Variants in DHX40 observed in about 807,000 individuals in gnomAD.
DHX40 encodes the protein DEAH-box helicase 40.
DHX40 carries 28 observed loss-of-function variants against 89.6 expected under a neutral mutation model. That is an observed-to-expected ratio of 0.31 (90% CI 0.23 to 0.43). The LOEUF is 0.43. Among genes scored for constraint, DHX40 ranks in the 20% least tolerant of loss-of-function variants. The pLI, the probability that DHX40 is intolerant of heterozygous loss-of-function variation, is 1.00. For missense variants in DHX40, 457 were observed against 844.0 expected (o/e 0.54, Z 5.68); for synonymous variants, 226 against 283.6 (o/e 0.80, Z 2.04).
intron 10 of DHX40, among the ~76,000 whole-genome samples, chr17:59,585,385 G>T (rs2048978773): frequency 7.0e-6 from 1 of 143,392 alleles, no homozygotes; most frequent in African/African-American, 2.7e-5. Context: ...GGGCAGCAGA[G>T]TGAGACTCCG....
intron 13 of DHX40, 149 bp downstream of exon 13, chr17:59,599,000 A>G: frequency 5.0e-6 from 3 of 596,752 alleles, no homozygotes; most frequent in Non-Finnish European, 9.2e-6. Context: ...TCTATGTCAG[A>G]TGACTATTGC....
chr17:59,597,601 C>T (rs1468651090), intron 12 of DHX40, among the ~76,000 whole-genome samples: 1 of 151,976 alleles, frequency 6.6e-6, no homozygotes, highest in Admixed American at 6.5e-5. Flanking sequence ...GTTGCCCAGG[C>T]CAAAGTGCAG....
At chr17:59,577,228 T>C in intron 7 of DHX40, 38 bp from the exon 8 acceptor site, 1 of 1,516,756 alleles carries the variant, frequency 6.6e-7, no homozygotes, top group Non-Finnish European at 9.1e-7. Flanking sequence ...GACACATGCA[T>C]GTTGTAAATT....
At chr17:59,604,307 C>T (rs1484918660) in intron 15 of DHX40, 1 of 152,138 alleles carries the variant, frequency 6.6e-6, no homozygotes, top group Non-Finnish European at 1.5e-5. Context: ...CTCAACTTTT[C>T]TGTAAATTTA....
chr17:59,597,372 AC>A (rs1308888843), intron 12 of DHX40, among the ~76,000 whole-genome samples: 164 of 84,034 alleles, frequency 2.0e-3, no homozygotes, highest in African/African-American at 9.9e-3. Flanking sequence ...TGAGCTACAC[AC>A]TTACGTCCTG....
rs2030971622 is a variant in DHX40 at position 59,608,258 on chromosome 17, A to T, written c.*1086A>T. On this transcript the variant is annotated 3_prime_UTR_variant, in exon 18 of 18. Coordinates refer to ENST00000251241, the MANE Select transcript of DHX40 (RefSeq NM_024612.5). Reference sequence around the variant, plus strand: ...GGACTGTGTCTTTTTTCATCTTTGTATCTTTCATGCACCTAGCATAGTGCT... The same window carrying T: ...GGACTGTGTCTTTTTTCATCTTTGTTTCTTTCATGCACCTAGCATAGTGCT... 6.6e-6 allele frequency: 1 copy of T among 152,642 alleles called. No individual in the cohort carries two copies. Among genetic ancestry groups the T allele is most frequent in the Admixed American group, 6.5e-5 (1 of 15,272 alleles). 9.5% of individuals were successfully genotyped at this position (152,642 alleles called of 1,614,324 possible).
chr17:59,595,088 G>GTTTT (rs112106114), intron 12 of DHX40, among the ~76,000 whole-genome samples: 1 of 145,592 alleles, frequency 6.9e-6, no homozygotes, highest in African/African-American at 2.5e-5. Context: ...TTTGTTTTTT[G>GTTTT]TTTTTTTTTT....
At position 59,607,163 on chromosome 17, in the gene DHX40, A is replaced by G; in HGVS notation, c.2331A>G (p.Glu777=). ...AGGACCACAGTGACACACGAAAGGA[A>G]ACAGGCTAAGGTGGTGAACCCTCCA... The part of the protein sequence containing the change: ...RTQDHSDTRK[E]TG Residue 777 remains glutamate, a synonymous_variant, in exon 18 of 18, where the codon GAA becomes GAG. Coordinates refer to ENST00000251241, the MANE Select transcript of DHX40 (RefSeq NM_024612.5). The G allele has an allele frequency of 6.2e-7, 1 of 1,614,230 alleles. No homozygotes were observed. Among genetic ancestry groups the G allele is most frequent in the Non-Finnish European group, 8.5e-7 (1 of 1,180,044 alleles).
intron 10 of DHX40, among the ~76,000 whole-genome samples, chr17:59,583,331 A>T (rs1159975580): frequency 3.0e-5 from 1 of 33,020 alleles, no homozygotes; most frequent in African/African-American, 5.6e-5. Flanking sequence ...ATTTTTAATG[A>T]TACTGAATAA....
At position 59,575,454 on chromosome 17, in the gene DHX40, A is replaced by G. The variant is rs761789387; in HGVS notation, c.956A>G (p.Tyr319Cys). The change falls in exon 7 of 18, where the codon TAT becomes TGT. Residue 319 changes from tyrosine to cysteine, a missense_variant. Tyr to Cys is a radical substitution (Grantham distance 194, BLOSUM62 -2). This residue lies in a region of DHX40 where 116 missense variants were observed against 188.9 expected (regional missense o/e 0.61). Transcript: ENST00000251241. ...TLDGLLILPC[Y>C]GSMTTDQQRR... ...GATGGCTTGTTAATATTGCCGTGTT[A>G]TGGATCAATGACAACAGGTAATTTC... 5 of 1,612,496 alleles carry G rather than the reference A, an allele frequency of 3.1e-6. No homozygotes were observed. The highest frequency in any genetic ancestry group is 1.1e-5 in the South Asian group (1 of 90,528).
intron 12 of DHX40, among the ~76,000 whole-genome samples, chr17:59,594,914 A>T (rs969709856): frequency 1.1e-4 from 17 of 151,778 alleles, no homozygotes; most frequent in Non-Finnish European, 2.2e-4. Context: ...CATTTTAATC[A>T]ATCTCCAGAG....
Position 59,577,302 on chromosome 17 carries a change from G to A in DHX40, c.1010G>A (p.Gly337Glu). The A allele has an allele frequency of 6.2e-7, 1 of 1,613,868 alleles. No individual in the cohort carries two copies. Among genetic ancestry groups the A allele is most frequent in the Non-Finnish European group, 8.5e-7 (1 of 1,179,854 alleles). ...AGGATATTTTTGCCACCACCACCTG[G>A]AATTAGAAAATGTGTCATATCCACC... ...QRRIFLPPPP[G>E]IRKCVISTNI... The change falls in exon 8 of 18, where the codon GGA (glycine) becomes GAA (glutamate). Residue 337 changes from glycine to glutamate, a missense_variant. Gly to Glu is a moderately conservative substitution (Grantham distance 98, BLOSUM62 -2). Around this residue, in one of 9 missense-constraint regions of DHX40, gnomAD observed 116 missense variants for 188.9 expected, o/e 0.61. Coordinates refer to ENST00000251241, the MANE Select transcript of DHX40 (RefSeq NM_024612.5).
intron 15 of DHX40, chr17:59,604,685 A>T (rs1215667139): frequency 6.5e-6 from 1 of 154,122 alleles, no homozygotes; most frequent in Non-Finnish European, 1.4e-5. Flanking sequence ...TCATCCCTTT[A>T]AAAAGAGATG....
chr17:59,590,810 C>T (rs1895184254), intron 12 of DHX40, among the ~76,000 whole-genome samples: 1 of 151,562 alleles, frequency 6.6e-6, no homozygotes, highest in African/African-American at 2.4e-5. Flanking sequence ...CTGGTAATAC[C>T]CCTAATTGCA....
At chr17:59,583,602 C>G (rs79890228) in intron 10 of DHX40, among the ~76,000 whole-genome samples, 1 of 142,442 alleles carries the variant, frequency 7.0e-6, no homozygotes, top group Non-Finnish European at 1.6e-5. Flanking sequence ...TTTTTTAGGC[C>G]GGGTGCGGTG....
chr17:59,588,858 A>C (rs1163367104), intron 12 of DHX40, among the ~76,000 whole-genome samples: 2 of 152,160 alleles, frequency 1.3e-5, no homozygotes, highest in Non-Finnish European at 2.9e-5. Context: ...TGTCGTACCC[A>C]AAGTCATCTA....
chr17:59,592,246 T>C (rs1375794407), intron 12 of DHX40, among the ~76,000 whole-genome samples: 1 of 152,040 alleles, frequency 6.6e-6, no homozygotes, highest in African/African-American at 2.4e-5. Flanking sequence ...CCATTTTCCC[T>C]AGAATCTACA....
intron 7 of DHX40, chr17:59,576,961 C>A (rs966107246): frequency 1.5e-5 from 5 of 343,894 alleles, no homozygotes; most frequent in African/African-American, 1.1e-4. Flanking sequence ...CCTCTGCCTC[C>A]CAGATTCAAG....
chr17:59,570,459 G>T (rs931484935), intron 2 of DHX40, 59 bp from the exon 3 acceptor site: 138 of 1,505,140 alleles, frequency 9.2e-5, no homozygotes, highest in Non-Finnish European at 1.2e-4. Context: ...AAACAATTTA[G>T]CTCTAATAGG....
Sources: gnomAD v4.1 joint callset for allele counts (sites outside exome capture counted in the v4.1 genomes callset) on GRCh38, gnomAD v4.1.1 for gene constraint, gnomAD v4.1.1 regional missense constraint, MANE v1.5 for transcripts, NCBI Gene and HGNC (gene_info 2026-07-23, HGNC 2026-07-21) for gene names.